Variants in GALNT3 observed in about 807,000 individuals in gnomAD.
GALNT3 encodes GalNAc transferase 3.
Under a neutral mutation model 69.8 loss-of-function variants are expected in GALNT3, and 51 were observed. That is an observed-to-expected ratio of 0.73 (90% CI 0.58 to 0.92). The LOEUF (loss-of-function observed/expected upper bound fraction) is 0.92, where lower values mean the gene tolerates loss of function less well. GALNT3 is among the 40% of genes least tolerant of loss of function. GALNT3 has a pLI of 0.00. For synonymous variants in GALNT3, 265 were observed against 248.5 expected (o/e 1.07, Z -0.63); for missense variants, 711 against 760.0 (o/e 0.94, Z 0.76).
chr2:165,790,690 A>G (rs764172443), intron 1 of GALNT3, among the ~76,000 whole-genome samples: 2 of 152,118 alleles, frequency 1.3e-5, no homozygotes, highest in Admixed American at 6.5e-5. Context: ...GAAAGTGTCT[A>G]CGGAAGGCTT....
intron 9 of GALNT3, among the ~76,000 whole-genome samples, chr2:165,750,950 T>G (rs1276794357): frequency 6.6e-6 from 1 of 152,154 alleles, no homozygotes; most frequent in Admixed American, 6.6e-5. Flanking sequence ...ACCTTCCTTC[T>G]TTGGCTTTGC....
intron 10 of GALNT3, 46 bp downstream of exon 10, chr2:165,749,696 A>G: frequency 6.5e-7 from 1 of 1,529,938 alleles, no homozygotes; most frequent in Non-Finnish European, 9.1e-7. Context: ...AAGCAAGTAG[A>G]GCTAAGAAAA....
intron 1 of GALNT3, 121 bp from the exon 2 acceptor site, chr2:165,770,929 T>C (rs1688742286): frequency 2.4e-6 from 1 of 414,644 alleles, no homozygotes; most frequent in Non-Finnish European, 4.3e-6. Flanking sequence ...TTAATGAGAA[T>C]ACAAAGATAT....
chr2:165,767,665 T>C (rs1401203759), intron 2 of GALNT3, among the ~76,000 whole-genome samples: 1 of 152,136 alleles, frequency 6.6e-6, no homozygotes, highest in Non-Finnish European at 1.5e-5. Flanking sequence ...GCAATTAAAA[T>C]AACTTGCCAA....
rs1688297975 is a variant in GALNT3 at position 165,748,427 on chromosome 2, G to A, written c.*354C>T. 1.1e-5 allele frequency: 3 copies of A among 278,092 alleles called. No homozygotes were observed. In the East Asian group the frequency reaches 1.7e-4, roughly 16 times the overall value. The allele number at this position is 278,092 out of a possible 1,614,324, so 17.2% of individuals were successfully genotyped here. ...CTTCCTATCCCCCCAAAAAACTAGG[G>A]GAAATATTTTAAATTGTGAGTGTGT... On this transcript the variant is annotated 3_prime_UTR_variant, in exon 11 of 11. Coordinates refer to ENST00000392701, the MANE Select transcript of GALNT3 (RefSeq NM_004482.4).
chr2:165,751,280 C>T (rs1688353490), intron 9 of GALNT3, among the ~76,000 whole-genome samples: 1 of 152,142 alleles, frequency 6.6e-6, no homozygotes, highest in Admixed American at 6.6e-5. Flanking sequence ...TTACAGTAGG[C>T]ACTCTACAAA....
intron 4 of GALNT3, 102 bp downstream of exon 4, chr2:165,761,803 A>G: frequency 7.7e-7 from 1 of 1,292,562 alleles, no homozygotes; most frequent in South Asian, 1.2e-5. Context: ...CTGTTAAAGA[A>G]AATGCAATTA....
chr2:165,779,651 A>T (rs1211681611), intron 1 of GALNT3, among the ~76,000 whole-genome samples: 5 of 152,236 alleles, frequency 3.3e-5, no homozygotes, highest in Admixed American at 3.3e-4. Flanking sequence ...TAACATTTTT[A>T]AAATGAAAAT....
chr2:165,792,652 C>T (rs890613862), intron 1 of GALNT3, among the ~76,000 whole-genome samples: 4 of 151,858 alleles, frequency 2.6e-5, no homozygotes, highest in Admixed American at 1.3e-4. Context: ...TAGAACAAAA[C>T]AATGGAATTG....
intron 1 of GALNT3, among the ~76,000 whole-genome samples, chr2:165,772,693 G>A (rs1307969379): frequency 6.7e-6 from 1 of 149,008 alleles, no homozygotes; most frequent in Non-Finnish European, 1.5e-5. Context: ...TGAAATACAA[G>A]TACATTTTAG....
intron 3 of GALNT3, among the ~76,000 whole-genome samples, chr2:165,763,805 T>A (rs542026028): frequency 6.6e-6 from 1 of 152,238 alleles, no homozygotes; most frequent in African/African-American, 2.4e-5. Context: ...ATTTGGGAGG[T>A]TAAGAACAGA....
At chr2:165,769,284 T>C (rs904731799) in intron 2 of GALNT3, among the ~76,000 whole-genome samples, 11 of 147,382 alleles carry the variant, frequency 7.5e-5, no homozygotes, top group African/African-American at 2.5e-4. Context: ...CACATGCCTG[T>C]AGTCCCAGCT....
In GALNT3 at chr2:165,747,868, G is replaced by A. The variant is rs1402316650; in HGVS notation, c.*913C>T. 1 of 171,860 alleles carries A rather than the reference G, an allele frequency of 5.8e-6. No homozygotes were observed. The highest frequency in any genetic ancestry group is 1.3e-5 in the Non-Finnish European group (1 of 79,152). 10.6% of individuals were successfully genotyped at this position (171,860 alleles called of 1,614,324 possible). A position where few individuals can be genotyped will look rare whatever the true frequency, so the allele number is the denominator to read the frequency against. On this transcript the variant is annotated 3_prime_UTR_variant, in exon 11 of 11. Transcript: ENST00000392701. ...AGATAAAAAAATAAGGCTTTTTGAT[G>A]AAAAGAATCCATTACAAAGTCAAAA...
At chr2:165,765,633 C>T (rs184550262) in intron 2 of GALNT3, among the ~76,000 whole-genome samples, 51 of 152,020 alleles carry the variant, frequency 3.4e-4, no homozygotes, top group African/African-American at 1.1e-3. Flanking sequence ...GGACTACAGG[C>T]GCCCACCACC....
chr2:165,780,293 T>C lies in GALNT3; in HGVS notation c.-108-9485A>G, dbSNP rs981572951. ...TGCTTTTGTGGGCACTCAGAGGGGA[T>C]ACAAATTCTTTCAGGGTCTTTTCAT... On this transcript the variant is annotated intron_variant, in intron 1 of 10. Transcript: ENST00000392701. Among the ~76,000 whole-genome samples the C allele has an allele frequency of 1.1e-4, 16 of 152,308 alleles. 1 individual carries two copies. Among genetic ancestry groups the C allele is most frequent in the African/African-American group, 2.9e-4 (12 of 41,566 alleles).
At chr2:165,771,551 T>C (rs1688753571) in intron 1 of GALNT3, 2 of 152,172 alleles carry the variant, frequency 1.3e-5, no homozygotes, top group Admixed American at 6.5e-5. Flanking sequence ...AGAATTTGGT[T>C]TGATAAAATA....
intron 7 of GALNT3, among the ~76,000 whole-genome samples, 162 bp downstream of exon 7, chr2:165,756,885 T>C (rs572735197): frequency 5.6e-4 from 86 of 152,342 alleles, no homozygotes; most frequent in Non-Finnish European, 1.0e-3. Flanking sequence ...ACTTAGTTTT[T>C]TTCTTAAAAA....
chr2:165,767,731 C>G, intron 2 of GALNT3, among the ~76,000 whole-genome samples: 1 of 152,124 alleles, frequency 6.6e-6, no homozygotes, highest in East Asian at 1.9e-4. Context: ...TAGAAACATG[C>G]TTAAATTATC....
At chr2:165,785,161 C>T (rs897772669) in intron 1 of GALNT3, among the ~76,000 whole-genome samples, 1 of 152,038 alleles carries the variant, frequency 6.6e-6, no homozygotes, top group Non-Finnish European at 1.5e-5. Flanking sequence ...CACATTAAAG[C>T]ATTGTTCTAA....
Sources: allele counts gnomAD v4.1 joint callset (sites outside exome capture counted in the v4.1 genomes callset), GRCh38; gene constraint gnomAD v4.1.1; transcripts MANE v1.5; gene names NCBI Gene and HGNC (gene_info 2026-07-23, HGNC 2026-07-21).